Variants in MIA2 observed in about 807,000 individuals in gnomAD.
MIA2 encodes the protein melanoma inhibitory activity protein 2.
MIA2 carries 127 observed loss-of-function variants against 167.8 expected under a neutral mutation model. The ratio of observed to expected loss-of-function variants is 0.76; its 90% CI spans 0.66 to 0.88. MIA2 has a LOEUF of 0.88. MIA2 is among the 40% of genes least tolerant of loss of function. The pLI is 0.00. For missense variants in MIA2, 1,690 were observed against 1,624.7 expected, an observed-to-expected ratio of 1.04 and a Z score of -0.69; for synonymous variants, 552 against 541.9, an observed-to-expected ratio of 1.02 and a Z score of -0.26.
At position 39,245,081 on chromosome 14, in the gene MIA2, C is replaced by CTTTTTT. The variant is rs10683715; in HGVS notation, c.337-1823_337-1818dup. Among the ~76,000 whole-genome samples, 53 of 119,704 alleles carry CTTTTTT rather than the reference C, an allele frequency of 4.4e-4. 4 individuals are homozygous for CTTTTTT. The highest frequency in any genetic ancestry group is 2.3e-3 in the Admixed American group (26 of 11,316). 78.5% of individuals were successfully genotyped at this position (119,704 alleles called of 152,430 possible). ...GCATGGGCCGCCGCACCTAGCTAAC[C>CTTTTTT]TTTTTTTTTTTTAAAGACAGGATCT... On this transcript the variant is annotated intron_variant, in intron 3 of 28. Coordinates refer to ENST00000640607, the MANE Select transcript of MIA2 (RefSeq NM_001329214.4).
intron 24 of MIA2, among the ~76,000 whole-genome samples, chr14:39,322,823 G>T (rs553002505): frequency 1.3e-5 from 2 of 152,224 alleles, no homozygotes; most frequent in African/African-American, 4.8e-5. Flanking sequence ...AAAATCAAAA[G>T]TCTTACATTT....
At chr14:39,263,448 A>T (rs1436984388) in intron 6 of MIA2, among the ~76,000 whole-genome samples, 1 of 150,002 alleles carries the variant, frequency 6.7e-6, no homozygotes, top group East Asian at 2.0e-4. Context: ...TGCCCAGGCC[A>T]GTCTGGAGCT....
chr14:39,287,038 T>G (rs898551924), intron 9 of MIA2, among the ~76,000 whole-genome samples: 1 of 151,866 alleles, frequency 6.6e-6, no homozygotes, highest in African/African-American at 2.4e-5. Flanking sequence ...TTATTTCTTT[T>G]TCTTGTCTAA....
chr14:39,313,530 A>G (rs1383259879), intron 19 of MIA2, 89 bp downstream of exon 19: 2 of 718,750 alleles, frequency 2.8e-6, no homozygotes, highest in Non-Finnish European at 4.6e-6. Flanking sequence ...TCAAATGAAA[A>G]TAGAAAACAT....
At chr14:39,285,511 G>A (rs1392191550) in intron 9 of MIA2, among the ~76,000 whole-genome samples, 2 of 148,160 alleles carry the variant, frequency 1.3e-5, no homozygotes, top group African/African-American at 2.5e-5. Context: ...GCGGCTGGCC[G>A]GGCGGGGGCT....
chr14:39,287,364 C>T (rs9671953), intron 9 of MIA2, among the ~76,000 whole-genome samples: 48,692 of 151,190 alleles, frequency 0.32, 8,361 homozygotes, highest in East Asian at 0.51. Context: ...TGTGAGCCAC[C>T]GCACCCAGCC....
chr14:39,356,151 TG>T (rs2074518866), downstream of MIA2, among the ~76,000 whole-genome samples: 2 of 152,300 alleles, frequency 1.3e-5, no homozygotes, highest in African/African-American at 4.8e-5. Context: ...CTTGTACCTC[TG>T]GTAGAATTCG....
chr14:39,275,152 T>TGTGA (rs1233822728), intron 6 of MIA2, among the ~76,000 whole-genome samples: 12 of 149,870 alleles, frequency 8.0e-5, no homozygotes, highest in African/African-American at 3.0e-4. Context: ...TGTGTGTGTG[T>TGTGA]GTGTGTGTGT....
At chr14:39,335,959 GTAT>G (rs1195557801) in intron 25 of MIA2, among the ~76,000 whole-genome samples, 1 of 152,218 alleles carries the variant, frequency 6.6e-6, no homozygotes, top group Non-Finnish European at 1.5e-5. Flanking sequence ...TGGCTGTGTA[GTAT>G]TCTATGGTGT....
Position 39,345,988 on chromosome 14 carries a change from A to T in MIA2, c.3740A>T (p.Glu1247Val). 6.2e-7 allele frequency: 1 copy of T among 1,612,272 alleles called. No individual in the cohort carries two copies. Among genetic ancestry groups the T allele is most frequent in the Non-Finnish European group, 8.5e-7 (1 of 1,178,518 alleles). ...SNSGRLSGPAELRSFNMPSLD... is the reference protein window; with the variant it reads ...SNSGRLSGPAVLRSFNMPSLD... ...TCTGGTAGACTGTCTGGACCAGCAG[A>T]ACTCAGAAGTTTTAATATGCCTTCT... Residue 1247 changes from glutamate (E) to valine (V), a missense_variant, in exon 26 of 29, where the codon GAA (glutamate) becomes GTA (valine). Glu to Val is a moderately radical substitution (Grantham distance 121). Transcript: ENST00000640607.
chr14:39,381,119 CAG>C (rs1311322079), intron 23 of MIA2, among the ~76,000 whole-genome samples: 1 of 151,252 alleles, frequency 6.6e-6, no homozygotes, highest in Non-Finnish European at 1.5e-5. Context: ...TAAGGAAAAA[CAG>C]AGCTTCTCCC....
In MIA2 at chr14:39,253,120, T is replaced by C. The variant is rs774013936; in HGVS notation, c.1836T>C (p.Val612=). ...TGAAATACTTATTCCAAATTGATGTTTATGATTTCATGAATTCTGCATTTT... is the reference window on the plus strand; with the variant it reads ...TGAAATACTTATTCCAAATTGATGTCTATGATTTCATGAATTCTGCATTTT... The part of the protein sequence containing the change: ...QILKYLFQID[V]YDFMNSAFSP... Residue 612 remains valine, a synonymous_variant, in exon 6 of 29, where the codon GTT becomes GTC. Transcript: ENST00000640607. 2 of 1,607,216 alleles carry C rather than the reference T, an allele frequency of 1.2e-6. No individual in the cohort carries two copies. Among genetic ancestry groups the C allele is most frequent in the Non-Finnish European group, 1.7e-6 (2 of 1,176,622 alleles).
chr14:39,261,573 C>A (rs902456750), intron 6 of MIA2, among the ~76,000 whole-genome samples: 7 of 152,170 alleles, frequency 4.6e-5, no homozygotes, highest in African/African-American at 1.7e-4. Flanking sequence ...AGACTGTCTT[C>A]CACAATGGTT....
intron 14 of MIA2, among the ~76,000 whole-genome samples, chr14:39,301,025 TATATAC>T (rs2062387188): frequency 8.7e-6 from 1 of 114,870 alleles, no homozygotes; most frequent in Non-Finnish European, 1.7e-5. Context: ...TATACACACA[TATATAC>T]ATATACATAC....
intron 6 of MIA2, chr14:39,253,449 T>A: frequency 2.2e-6 from 1 of 455,060 alleles, no homozygotes; most frequent in South Asian, 2.5e-5. Flanking sequence ...GAAAGTTAGG[T>A]ACTAAATAAG....
chr14:39,342,885 C>G (rs1390869679), intron 25 of MIA2, among the ~76,000 whole-genome samples: 1 of 152,018 alleles, frequency 6.6e-6, no homozygotes, highest in Non-Finnish European at 1.5e-5. Flanking sequence ...ATCAGCTTTC[C>G]TTATCAGCCT....
downstream of MIA2, among the ~76,000 whole-genome samples, chr14:39,355,628 G>A (rs922922777): frequency 4.6e-5 from 7 of 152,106 alleles, no homozygotes; most frequent in African/African-American, 1.4e-4. Context: ...CCTGTCTTGT[G>A]CCAGTTTTCA....
intron 23 of MIA2, among the ~76,000 whole-genome samples, chr14:39,372,567 G>A (rs1043509362): frequency 5.3e-5 from 8 of 152,126 alleles, no homozygotes; most frequent in South Asian, 2.1e-4. Context: ...CATGAACTTC[G>A]TAAATTTTAA....
rs528798820 is a variant in MIA2, at chr14:39,303,835, G to C, written c.2787+311G>C. Among the ~76,000 whole-genome samples the C allele has an allele frequency of 3.2e-4, 49 of 151,864 alleles. 1 individual carries two copies. The highest frequency in any genetic ancestry group is 6.8e-3 in the Middle Eastern group (2 of 294). On this transcript the variant is annotated intron_variant, in intron 16 of 28. Coordinates refer to ENST00000640607, the MANE Select transcript of MIA2 (RefSeq NM_001329214.4). ...GTGCATTCTTTTTCTTCTAGTCTCA[G>C]TATTTTCTTACCCCTTCTGCCCTAT...
Sources: gnomAD v4.1 joint callset for allele counts (sites outside exome capture counted in the v4.1 genomes callset) on GRCh38, gnomAD v4.1.1 for gene constraint, MANE v1.5 for transcripts, NCBI Gene and HGNC (gene_info 2026-07-23, HGNC 2026-07-21) for gene names.